ETS1: variants seen among roughly 807,000 people sequenced by gnomAD.
The protein encoded by ETS1 is ETS proto-oncogene 1, transcription factor.
Under a neutral mutation model 58.6 loss-of-function variants are expected in ETS1, and 15 were observed. The ratio of observed to expected loss-of-function variants is 0.26; its 90% CI spans 0.17 to 0.39. The LOEUF (loss-of-function observed/expected upper bound fraction) is 0.39, where lower values mean the gene tolerates loss of function less well. Ranked by LOEUF, ETS1 falls within the 10% of genes least tolerant of loss-of-function variation. ETS1 has a pLI of 1.00. For synonymous variants in ETS1, 214 were observed against 218.2 expected (o/e 0.98, Z 0.17); for missense variants, 417 against 610.5 (o/e 0.68, Z 3.34).
In ETS1 at chr11:128,459,465, A is replaced by G. The variant is rs1861849148; in HGVS notation, c.*2896T>C. The G allele has an allele frequency of 6.5e-6, 1 of 152,770 alleles. No homozygotes were observed. Among genetic ancestry groups the G allele is most frequent in the African/African-American group, 2.4e-5 (1 of 41,458 alleles). 9.5% of individuals were successfully genotyped at this position (152,770 alleles called of 1,614,324 possible). A position where few individuals can be genotyped will look rare whatever the true frequency, so the allele number is the denominator to read the frequency against. ...CCACAGCCACAAAAATCAGGGCTCT[A>G]TGTAGGGGAAGTCCCTCTCCAGAAT... On this transcript the variant is annotated 3_prime_UTR_variant, in exon 10 of 10. Coordinates refer to ENST00000392668, the MANE Select transcript of ETS1 (RefSeq NM_001143820.2).
rs576500212 is a variant in ETS1, at chr11:128,584,699, A to T, written c.-15+2789T>A. On this transcript the variant is annotated intron_variant, in intron 1 of 9. Coordinates refer to ENST00000392668, the MANE Select transcript of ETS1 (RefSeq NM_001143820.2). The stretch of plus-strand genomic sequence containing the variant: ...ACAGCAGGGATAAAGGAGATGAGGA[A>T]GCAAAAAGTAAGTTATGTCTTCACA... 3.9e-5 allele frequency among the ~76,000 whole-genome samples: 6 copies of T among 152,266 alleles called. No homozygotes were observed. In the South Asian group the frequency reaches 1.2e-3, roughly 32 times the overall value.
At chr11:128,577,832 G>A (rs979043911) in intron 1 of ETS1, among the ~76,000 whole-genome samples, 2 of 151,642 alleles carry the variant, frequency 1.3e-5, no homozygotes, top group Non-Finnish European at 2.9e-5. Flanking sequence ...TGCAATAAAC[G>A]TGTGCAATGC....
intron 8 of ETS1, among the ~76,000 whole-genome samples, chr11:128,472,968 A>C (rs1339810220): frequency 6.6e-6 from 1 of 151,926 alleles, no homozygotes; most frequent in East Asian, 1.9e-4. Flanking sequence ...ACATGTGAAA[A>C]CCCTGAAAGT....
intron 3 of ETS1, among the ~76,000 whole-genome samples, chr11:128,552,046 A>G (rs767225539): frequency 6.6e-6 from 1 of 152,110 alleles, no homozygotes; most frequent in Admixed American, 6.5e-5. Context: ...TTCTGCTTCG[A>G]TAAGTCTGGG....
At position 128,490,491 on chromosome 11, in the gene ETS1, G is replaced by A. The variant is rs1862766387; in HGVS notation, c.300C>T (p.Phe100=). The change falls in exon 4 of 10, where the codon TTC becomes TTT. Residue 100 remains phenylalanine (F), a synonymous_variant. Transcript: ENST00000392668. ...TCCCCAGTCGTTGCTGTTCTTTAGT[G>A]AAACCACTGAAAGTAGCTTTTAATG... ...SQALKATFSG[F]TKEQQRLGIP... The A allele has an allele frequency of 6.2e-7, 1 of 1,605,728 alleles. No individual in the cohort carries two copies. Among genetic ancestry groups the A allele is most frequent in the Non-Finnish European group, 8.5e-7 (1 of 1,174,390 alleles).
At position 128,556,363 on chromosome 11, in the gene ETS1, T is replaced by C; in HGVS notation, c.142A>G (p.Arg48Gly). ...TCATCCCAAAAGGGGTAGCAAGGTC[T>C]TTGCTGGTGATAATTGGACTGGAAA... ...CGFQSNYHQQ[R>G]PCYPFWDEMA... Residue 48 changes from arginine (R) to glycine (G), a missense_variant, in exon 3 of 10, where the codon AGA (arginine) becomes GGA (glycine). By Grantham distance (125) the Arg-to-Gly change is moderately radical. Transcript: ENST00000392668. 6.2e-7 allele frequency: 1 copy of C among 1,612,954 alleles called. No homozygotes were observed. The highest frequency in any genetic ancestry group is 8.5e-7 in the Non-Finnish European group (1 of 1,178,964).
At chr11:128,521,766 C>T (rs1477744709) in intron 3 of ETS1, 4 of 586,802 alleles carry the variant, frequency 6.8e-6, no homozygotes, top group African/African-American at 1.9e-5. Context: ...TTCTCCTCCT[C>T]GTCCTCCAGA....
intron 3 of ETS1, among the ~76,000 whole-genome samples, chr11:128,509,186 C>T (rs940877697): frequency 3.9e-5 from 6 of 152,212 alleles, no homozygotes; most frequent in Non-Finnish European, 8.8e-5. Flanking sequence ...AGCCACAAAG[C>T]TCCCTGCAAG....
chr11:128,468,440 A>G (rs924738837), intron 8 of ETS1, among the ~76,000 whole-genome samples: 3 of 152,122 alleles, frequency 2.0e-5, no homozygotes, highest in Non-Finnish European at 4.4e-5. Flanking sequence ...CCATTTCCCG[A>G]TTTGTCAGTA....
In ETS1 at chr11:128,466,514, C is replaced by T. The variant is rs959190202; in HGVS notation, c.1124-2887G>A. ...AGCTCCCAGAGGACGAACCCTCTGA[C>T]GGAATGGTTAGTTTTCCTTTTCTAC... On this transcript the variant is annotated intron_variant, in intron 8 of 9. Coordinates refer to ENST00000392668, the MANE Select transcript of ETS1 (RefSeq NM_001143820.2). Among the ~76,000 whole-genome samples, 16 of 152,230 alleles carry T rather than the reference C, an allele frequency of 1.1e-4. No homozygotes were observed. In the South Asian group the frequency reaches 1.4e-3, roughly 14 times the overall value.
chr11:128,576,756 G>T (rs1268939689), intron 1 of ETS1, among the ~76,000 whole-genome samples: 2 of 151,524 alleles, frequency 1.3e-5, no homozygotes, highest in African/African-American at 4.9e-5. Flanking sequence ...ATGGAACTCT[G>T]TTGTTTTCTT....
rs1861916695 is a variant in ETS1 at position 128,461,982 on chromosome 11, T to C, written c.*379A>G. 1.2e-5 allele frequency: 2 copies of C among 169,616 alleles called. No individual in the cohort carries two copies. The highest frequency in any genetic ancestry group is 4.7e-5 in the African/African-American group (2 of 42,172). 10.5% of individuals were successfully genotyped at this position (169,616 alleles called of 1,614,324 possible). On this transcript the variant is annotated 3_prime_UTR_variant, in exon 10 of 10. Transcript: ENST00000392668. ...AATTAATTGCCTTACATCAGTTTCA[T>C]GAGTTCTGATGTGACAATGTCACTT...
At chr11:128,489,237 C>T (rs1342093251) in intron 5 of ETS1, 53 bp downstream of exon 5, 2 of 1,522,504 alleles carry the variant, frequency 1.3e-6, no homozygotes, top group South Asian at 1.1e-5. Flanking sequence ...CCCCTACCTA[C>T]TCTCACAGCA....
intron 8 of ETS1, among the ~76,000 whole-genome samples, chr11:128,478,360 G>A (rs1408465867): frequency 5.1e-5 from 1 of 19,448 alleles, no homozygotes; most frequent in Non-Finnish European, 8.8e-5. Context: ...GAGGAAGGAA[G>A]GAGGAAGGAA....
chr11:128,554,328 G>C (rs776240224), intron 3 of ETS1, among the ~76,000 whole-genome samples: 1 of 152,120 alleles, frequency 6.6e-6, no homozygotes, highest in Non-Finnish European at 1.5e-5. Context: ...TGGCAACCCA[G>C]GTCATTCTAG....
intron 1 of ETS1, among the ~76,000 whole-genome samples, chr11:128,583,733 T>C (rs888669809): frequency 6.6e-6 from 1 of 152,180 alleles, no homozygotes; most frequent in African/African-American, 2.4e-5. Flanking sequence ...TTTATATATT[T>C]TTTCCTCCCC....
At chr11:128,548,996 G>C (rs1864182919) in intron 3 of ETS1, among the ~76,000 whole-genome samples, 1 of 151,908 alleles carries the variant, frequency 6.6e-6, no homozygotes, top group South Asian at 2.1e-4. Context: ...TGGGAGGATT[G>C]CAGGGGAGGA....
intron 2 of ETS1, among the ~76,000 whole-genome samples, chr11:128,569,340 T>TTTTTTTTTTTTTTTTTTC (rs1864578474): frequency 7.2e-6 from 1 of 139,828 alleles, no homozygotes; most frequent in Non-Finnish European, 1.5e-5. Flanking sequence ...TTTTTTTTTT[T>TTTTTTTTTTTTTTTTTTC]TTGGTGTGTC....
intron 2 of ETS1, among the ~76,000 whole-genome samples, chr11:128,568,119 C>G (rs185937272): frequency 2.0e-5 from 3 of 152,294 alleles, no homozygotes; most frequent in African/African-American, 4.8e-5. Context: ...TTCTATCTCC[C>G]AAAGTCTGTG....
Sources: gnomAD v4.1 joint callset for allele counts (sites outside exome capture counted in the v4.1 genomes callset) on GRCh38, gnomAD v4.1.1 for gene constraint, MANE v1.5 for transcripts, NCBI Gene and HGNC (gene_info 2026-07-23, HGNC 2026-07-21) for gene names.